The following RIPK2 variants were observed in gnomAD, a reference collection of about 807,000 sequenced individuals.
The protein encoded by RIPK2 is receptor interacting serine/threonine kinase 2, also known as receptor-interacting serine/threonine-protein kinase 2.
In RIPK2, 38 loss-of-function variants were observed where a neutral mutation model predicts 60.9. That is an observed-to-expected ratio of 0.62 (90% CI 0.48 to 0.82). The LOEUF (loss-of-function observed/expected upper bound fraction) is 0.82. Ranked by LOEUF, RIPK2 falls within the 40% of genes least tolerant of loss-of-function variation. The pLI, the probability that RIPK2 is intolerant of heterozygous loss-of-function variation, is 0.00. For missense variants in RIPK2, 518 were observed against 647.0 expected (o/e 0.80, Z 2.16); for synonymous variants, 225 against 223.4 (o/e 1.01, Z -0.06).
chr8:89,764,401 A>G (rs1023320085), intron 2 of RIPK2, among the ~76,000 whole-genome samples: 3 of 152,196 alleles, frequency 2.0e-5, no homozygotes, highest in African/African-American at 7.2e-5. Flanking sequence ...CCCCTGCCAG[A>G]TTGATCACTG....
intron 7 of RIPK2, among the ~76,000 whole-genome samples, chr8:89,781,467 A>G (rs1046291160): frequency 1.3e-5 from 2 of 151,774 alleles, no homozygotes; most frequent in African/African-American, 2.4e-5. Flanking sequence ...GCTGGGCTCA[A>G]GCAGTCCTCC....
intron 9 of RIPK2, among the ~76,000 whole-genome samples, chr8:89,788,893 G>C (rs1249020614): frequency 6.6e-6 from 1 of 152,110 alleles, no homozygotes; most frequent in African/African-American, 2.4e-5. Flanking sequence ...AATGAAGACA[G>C]AAAATGTAAT....
intron 1 of RIPK2, among the ~76,000 whole-genome samples, chr8:89,759,946 A>G (rs1238008795): frequency 2.0e-5 from 3 of 152,218 alleles, no homozygotes; most frequent in Non-Finnish European, 2.9e-5. Flanking sequence ...AACAATTTTC[A>G]TAGTCTAAAA....
chr8:89,759,287 T>G (rs964282222), intron 1 of RIPK2: 3 of 456,178 alleles, frequency 6.6e-6, no homozygotes, highest in African/African-American at 6.0e-5. Context: ...TATTAGTCAA[T>G]GGGTCACTAG....
At chr8:89,788,445 C>T (rs1206657781) in intron 9 of RIPK2, among the ~76,000 whole-genome samples, 2 of 151,802 alleles carry the variant, frequency 1.3e-5, no homozygotes, top group East Asian at 3.9e-4. Flanking sequence ...TAGGAGCACA[C>T]AAAGGGTTGA....
At chr8:89,779,531 A>G (rs1225842650) in intron 6 of RIPK2, among the ~76,000 whole-genome samples, 2 of 152,040 alleles carry the variant, frequency 1.3e-5, no homozygotes, top group Admixed American at 1.3e-4. Flanking sequence ...TGTGTTAGCC[A>G]GGATGGTCTC....
At chr8:89,779,922 T>C (rs1809470507) in intron 6 of RIPK2, among the ~76,000 whole-genome samples, 153 bp from the exon 7 acceptor site, 1 of 152,202 alleles carries the variant, frequency 6.6e-6, no homozygotes, top group African/African-American at 2.4e-5. Context: ...TGCTTATGTC[T>C]ATCTTTATGT....
intron 8 of RIPK2, among the ~76,000 whole-genome samples, chr8:89,785,581 C>T (rs575610700): frequency 5.9e-5 from 9 of 152,174 alleles, no homozygotes; most frequent in African/African-American, 1.9e-4. Flanking sequence ...CAAGATATCT[C>T]GTTATATATA....
chr8:89,762,846 TAAGAG>T lies in RIPK2; in HGVS notation c.195_199del (p.Arg65SerfsTer2), dbSNP rs751883307. ...TTTCTTAGTGAAAGAAAGGATGTCT[TAAGAG>T]AAGCTGAAATTTTACACAAAGCTAG... is the stretch of plus-strand genomic sequence containing the variant. On this transcript the variant is annotated frameshift_variant, in exon 2 of 11. Coordinates refer to ENST00000220751, the MANE Select transcript of RIPK2 (RefSeq NM_003821.6). LOFTEE classifies it high-confidence loss of function. 6.8e-7 allele frequency: 1 copy of T among 1,470,324 alleles called. No homozygotes were observed. Among genetic ancestry groups the T allele is most frequent in the South Asian group, 1.4e-5 (1 of 69,048 alleles). 91.1% of individuals were successfully genotyped at this position (1,470,324 alleles called of 1,614,324 possible). A position where few individuals can be genotyped will look rare whatever the true frequency, so the allele number is the denominator to read the frequency against.
At chr8:89,759,715 G>A (rs1279814212) in intron 1 of RIPK2, among the ~76,000 whole-genome samples, 1 of 152,212 alleles carries the variant, frequency 6.6e-6, no homozygotes, top group Non-Finnish European at 1.5e-5. Context: ...TGTGTCTGTA[G>A]TCAACTTTTA....
intron 6 of RIPK2, among the ~76,000 whole-genome samples, chr8:89,775,812 G>A (rs1266596021): frequency 1.3e-5 from 2 of 152,124 alleles, no homozygotes; most frequent in Non-Finnish European, 2.9e-5. Context: ...TAGCTCAAAG[G>A]AAACATGGAG....
In RIPK2 at chr8:89,762,787, AT is replaced by A. The variant is rs1345613177; in HGVS notation, c.174-35del. ...AGTCTTATAGGCATGATAATTGTATATTTTTTTATTACTTGAATAATTATGC... is the reference window on the plus strand; with the variant it reads ...AGTCTTATAGGCATGATAATTGTATATTTTTTATTACTTGAATAATTATGC... On this transcript the variant is annotated intron_variant, in intron 1 of 10. Coordinates refer to ENST00000220751, the MANE Select transcript of RIPK2 (RefSeq NM_003821.6). The A allele has an allele frequency of 3.1e-5, 36 of 1,149,384 alleles. No homozygotes were observed. The Admixed American group carries it at 5.0e-4, about 16-fold the overall frequency. 71.2% of individuals were successfully genotyped at this position (1,149,384 alleles called of 1,614,324 possible). A position where few individuals can be genotyped will look rare whatever the true frequency, so the allele number is the denominator to read the frequency against.
At chr8:89,782,809 G>A (rs181671191) in intron 7 of RIPK2, among the ~76,000 whole-genome samples, 66 of 152,208 alleles carry the variant, frequency 4.3e-4, no homozygotes, top group Admixed American at 3.1e-3. Context: ...TTTTTCTTCA[G>A]TTGTTCATTT....
rs770185416 is a variant in RIPK2, at chr8:89,780,171, A to G, written c.939+11A>G. Reference sequence around the variant, plus strand: ...CTAAAGAAAACAAAGGTAAGTTGCTAAATGAAATGCTGGAAATTAGAAATT... The same window carrying G: ...CTAAAGAAAACAAAGGTAAGTTGCTGAATGAAATGCTGGAAATTAGAAATT... On this transcript the variant is annotated intron_variant, in intron 7 of 10. Transcript: ENST00000220751. The G allele has an allele frequency of 7.3e-7, 1 of 1,363,676 alleles. No homozygotes were observed. The highest frequency in any genetic ancestry group is 2.3e-5 in the East Asian group (1 of 42,982). The allele number at this position is 1,363,676 out of a possible 1,614,324, so 84.5% of individuals were successfully genotyped here. A position where few individuals can be genotyped will look rare whatever the true frequency, so the allele number is the denominator to read the frequency against.
chr8:89,776,839 C>T, intron 6 of RIPK2, among the ~76,000 whole-genome samples: 1 of 152,206 alleles, frequency 6.6e-6, no homozygotes, highest in Admixed American at 6.5e-5. Flanking sequence ...AATTTACCCT[C>T]CTGCCTGAAA....
At chr8:89,776,842 G>T (rs1809405009) in intron 6 of RIPK2, among the ~76,000 whole-genome samples, 1 of 152,162 alleles carries the variant, frequency 6.6e-6, no homozygotes, top group Non-Finnish European at 1.5e-5. Context: ...TTACCCTCCT[G>T]CCTGAAACAA....
At chr8:89,769,649 T>C (rs1315969912) in intron 3 of RIPK2, 123 bp from the exon 4 acceptor site, 2 of 617,628 alleles carry the variant, frequency 3.2e-6, no homozygotes, top group African/African-American at 1.9e-5. Context: ...AGAAATAAAA[T>C]ATTAAAATAT....
intron 1 of RIPK2, among the ~76,000 whole-genome samples, chr8:89,760,830 G>A (rs529168184): frequency 3.9e-4 from 60 of 152,316 alleles, no homozygotes; most frequent in African/African-American, 1.3e-3. Context: ...GGAGGAAAGA[G>A]TGTGTGAAGT....
intron 1 of RIPK2, among the ~76,000 whole-genome samples, chr8:89,760,069 A>T (rs1809120162): frequency 6.6e-6 from 1 of 152,174 alleles, no homozygotes; most frequent in South Asian, 2.1e-4. Context: ...GTTACTTAAG[A>T]TCTTATCATT....
Sources: gnomAD v4.1 joint callset for allele counts (sites outside exome capture counted in the v4.1 genomes callset) on GRCh38, gnomAD v4.1.1 for gene constraint, MANE v1.5 for transcripts, NCBI Gene and HGNC (gene_info 2026-07-23, HGNC 2026-07-21) for gene names.